The following ARL15 variants were observed in gnomAD, a reference collection of about 807,000 sequenced individuals.
ARL15 encodes the protein ADP-ribosylation factor-like protein 15.
A neutral mutation model predicts 25.2 loss-of-function variants in ARL15; 19 were observed. That is an observed-to-expected ratio of 0.75 (90% confidence interval 0.53 to 1.10). The LOEUF (loss-of-function observed/expected upper bound fraction) is 1.10. Ranked by LOEUF, ARL15 falls within the 50% of genes least tolerant of loss-of-function variation. The pLI is 0.00. For missense variants in ARL15, 220 were observed against 246.0 expected (o/e 0.89, Z 0.71); for synonymous variants, 94 against 86.8 (o/e 1.08, Z -0.46).
At chr5:54,247,107 T>C (rs145271298) in intron 1 of ARL15, among the ~76,000 whole-genome samples, 1 of 152,262 alleles carries the variant, frequency 6.6e-6, no homozygotes, top group East Asian at 1.9e-4. Context: ...CTTTTGTATC[T>C]TGGATATTAT....
intron 4 of ARL15, among the ~76,000 whole-genome samples, chr5:54,085,063 T>C (rs559085565): frequency 6.6e-6 from 1 of 152,312 alleles, no homozygotes; most frequent in East Asian, 1.9e-4. Context: ...AGAACAAATA[T>C]ATCTTGGATA....
intron 1 of ARL15, among the ~76,000 whole-genome samples, chr5:54,206,287 A>C (rs917035734): frequency 2.6e-5 from 4 of 152,204 alleles, no homozygotes; most frequent in Non-Finnish European, 5.9e-5. Flanking sequence ...TCATTCATTC[A>C]ACCCATATTG....
chr5:53,945,876 C>T (rs898559915), intron 4 of ARL15, among the ~76,000 whole-genome samples: 18 of 152,036 alleles, frequency 1.2e-4, no homozygotes, highest in Admixed American at 6.6e-5. Context: ...ATTTTGTAGA[C>T]GAAGTAACTA....
At chr5:53,980,655 G>C (rs1053980070) in intron 4 of ARL15, among the ~76,000 whole-genome samples, 1 of 152,174 alleles carries the variant, frequency 6.6e-6, no homozygotes, top group Non-Finnish European at 1.5e-5. Context: ...ACTGAGGACT[G>C]TGAGTTATTC....
At chr5:53,934,242 G>A (rs925228851) in intron 4 of ARL15, among the ~76,000 whole-genome samples, 1 of 152,072 alleles carries the variant, frequency 6.6e-6, no homozygotes, top group African/African-American at 2.4e-5. Context: ...TGCTGTACTT[G>A]GAGGTAGACA....
At chr5:54,186,370 T>C (rs1322328881) in intron 1 of ARL15, among the ~76,000 whole-genome samples, 1 of 152,212 alleles carries the variant, frequency 6.6e-6, no homozygotes, top group Non-Finnish European at 1.5e-5. Context: ...CAGCTGGATA[T>C]TTCAGATCCA....
intron 1 of ARL15, among the ~76,000 whole-genome samples, chr5:54,197,374 G>C (rs976694902): frequency 6.6e-6 from 1 of 152,106 alleles, no homozygotes; most frequent in African/African-American, 2.4e-5. Flanking sequence ...TCACAGAAAA[G>C]CACCTGATTG....
intron 4 of ARL15, among the ~76,000 whole-genome samples, chr5:54,010,678 C>T (rs1749206628): frequency 6.6e-6 from 1 of 151,976 alleles, no homozygotes; most frequent in Non-Finnish European, 1.5e-5. Context: ...TTTATTGATC[C>T]CAACAATGAC....
rs551910731 is a variant in ARL15 at position 53,890,971 on chromosome 5, G to A, written c.463-4258C>T. Among the ~76,000 whole-genome samples, 5 of 152,246 alleles carry A rather than the reference G, an allele frequency of 3.3e-5. No homozygotes were observed. The South Asian group carries it at 1.0e-3, about 32-fold the overall frequency. On this transcript the variant is annotated intron_variant, in intron 4 of 4. Coordinates refer to ENST00000504924, the MANE Select transcript of ARL15 (RefSeq NM_019087.3). ...TTCCTAGGTCCAGGATCTCTAACGG[G>A]GCAGTGATGCTCTCTGATTTCCCTA...
At chr5:54,285,369 T>C (rs534088277) in intron 1 of ARL15, 10 of 883,788 alleles carry the variant, frequency 1.1e-5, no homozygotes, top group Admixed American at 1.2e-4. Context: ...CTAAGAAATT[T>C]CAAAGGTAAG....
At chr5:54,303,779 G>A (rs141498073) in intron 1 of ARL15, among the ~76,000 whole-genome samples, 38 of 136,942 alleles carry the variant, frequency 2.8e-4, no homozygotes, top group East Asian at 4.4e-4. Context: ...GAAGAAAAAC[G>A]AAACAAAACA....
chr5:54,227,262 G>A (rs1756550514), intron 1 of ARL15, among the ~76,000 whole-genome samples: 1 of 152,178 alleles, frequency 6.6e-6, no homozygotes. Flanking sequence ...GGGGAAGGAG[G>A]AGGCCTGATG....
At chr5:54,169,052 C>T (rs1754651027) in intron 2 of ARL15, among the ~76,000 whole-genome samples, 1 of 151,998 alleles carries the variant, frequency 6.6e-6, no homozygotes, top group South Asian at 2.1e-4. Context: ...AAAAAATTAG[C>T]CAACCTAACA....
intron 4 of ARL15, among the ~76,000 whole-genome samples, chr5:53,932,404 G>A (rs567602689): frequency 1.3e-5 from 2 of 152,278 alleles, no homozygotes; most frequent in Admixed American, 6.5e-5. Flanking sequence ...CCCCTTCATA[G>A]GAGAGCCTTG....
At chr5:53,887,389 A>C in intron 4 of ARL15, 1 of 700,318 alleles carries the variant, frequency 1.4e-6, no homozygotes, top group Non-Finnish European at 2.6e-6. Flanking sequence ...ATTTTCTAGG[A>C]TGGAAAAAGC....
In ARL15 at chr5:53,990,749, C is replaced by T. The variant is rs1748461219; in HGVS notation, c.463-104036G>A. Among the ~76,000 whole-genome samples the T allele has an allele frequency of 2.0e-5, 3 of 152,012 alleles. 1 individual carries two copies. Among genetic ancestry groups the T allele is most frequent in the Admixed American group, 2.0e-4 (3 of 15,268 alleles). ...AAAAATTGAATCATATTTTAAATGC[C>T]CTGGGGATGCTCATATCACAGGGAA... is the stretch of plus-strand genomic sequence containing the variant. On this transcript the variant is annotated intron_variant, in intron 4 of 4. Transcript: ENST00000504924.
rs531001427 is a variant in ARL15, at chr5:53,961,859, C to T, written c.463-75146G>A. On this transcript the variant is annotated intron_variant, in intron 4 of 4. Coordinates refer to ENST00000504924, the MANE Select transcript of ARL15 (RefSeq NM_019087.3). ...AAAACAACCCATATTGTTCAGACTT[C>T]TATAGCTTGCCTTTTTTGACTATTT... 5.9e-5 allele frequency among the ~76,000 whole-genome samples: 9 copies of T among 152,286 alleles called. No individual in the cohort carries two copies. The South Asian group carries it at 1.9e-3, about 32-fold the overall frequency.
intron 1 of ARL15, among the ~76,000 whole-genome samples, chr5:54,220,286 C>T (rs528184491): frequency 9.9e-5 from 15 of 152,230 alleles, no homozygotes; most frequent in Admixed American, 2.0e-4. Context: ...AGCATATGAA[C>T]GTGATTTATT....
At chr5:53,896,739 G>A (rs936426932) in intron 4 of ARL15, among the ~76,000 whole-genome samples, 15 of 152,208 alleles carry the variant, frequency 9.9e-5, no homozygotes, top group African/African-American at 2.6e-4. Flanking sequence ...CTCATGATCC[G>A]CCTGCCTTGG....
Sources: allele counts gnomAD v4.1 joint callset (sites outside exome capture counted in the v4.1 genomes callset), GRCh38; gene constraint gnomAD v4.1.1; transcripts MANE v1.5; gene names NCBI Gene and HGNC (gene_info 2026-07-23, HGNC 2026-07-21).